PLXNA4: variants seen among roughly 807,000 people sequenced by gnomAD.
PLXNA4 encodes plexin-A4.
In PLXNA4, 44 loss-of-function variants were observed where a neutral mutation model predicts 191.8. That is an observed-to-expected ratio of 0.23 (90% CI 0.18 to 0.29). The LOEUF is 0.29. Among genes scored for constraint, PLXNA4 ranks in the 10% least tolerant of loss-of-function variants. The pLI, the probability that PLXNA4 is intolerant of heterozygous loss-of-function variation, is 1.00. For missense variants in PLXNA4, 1,800 were observed against 2,488.8 expected, an observed-to-expected ratio of 0.72 and a Z score of 5.89; for synonymous variants, 1,082 against 1,009.5, an observed-to-expected ratio of 1.07 and a Z score of -1.36.
chr7:132,573,099 G>T (rs1802053999), intron 1 of PLXNA4, among the ~76,000 whole-genome samples: 1 of 149,768 alleles, frequency 6.7e-6, no homozygotes, highest in Admixed American at 6.7e-5. Flanking sequence ...AGAAGTGGGG[G>T]TTGGAGGAAA....
chr7:132,232,211 G>C (rs548735908), intron 5 of PLXNA4, among the ~76,000 whole-genome samples: 1 of 152,212 alleles, frequency 6.6e-6, no homozygotes, highest in Non-Finnish European at 1.5e-5. Flanking sequence ...TAGTGGCTTA[G>C]ATGTTTCATT....
chr7:132,227,612 C>G lies in PLXNA4; in HGVS notation c.1729-8G>C, dbSNP rs1439845498. 4 of 1,613,928 alleles carry G rather than the reference C, an allele frequency of 2.5e-6. No homozygotes were observed. The Admixed American group carries it at 6.7e-5, about 27-fold the overall frequency. ...GTACGTCTCCAGGACCAGCTGTGAA[C>G]AGCCAGGCGGGGGGAGAGAAGGAGG... On this transcript the variant is annotated splice_polypyrimidine_tract_variant and splice_region_variant and intron_variant, in intron 6 of 31. Transcript: ENST00000321063.
At chr7:132,562,531 TCTCCTCTTTCTC>T (rs1801251589) in intron 1 of PLXNA4, among the ~76,000 whole-genome samples, 1 of 64,938 alleles carries the variant, frequency 1.5e-5, no homozygotes, top group Non-Finnish European at 2.9e-5. Context: ...TCCTCCTCCT[TCTCCTCTTTCTC>T]CTCCTCCTCC....
intron 3 of PLXNA4, among the ~76,000 whole-genome samples, chr7:132,448,578 C>T (rs1795995509): frequency 6.6e-6 from 1 of 152,184 alleles, no homozygotes. Flanking sequence ...CTTTAGTATC[C>T]TCGGAAAAGC....
At chr7:132,563,528 CCT>C (rs1320661771) in intron 1 of PLXNA4, among the ~76,000 whole-genome samples, 1 of 113,078 alleles carries the variant, frequency 8.8e-6, no homozygotes, top group South Asian at 4.2e-4. Context: ...TGCTCCTCCT[CCT>C]CTTTCTCCTC....
At chr7:132,141,462 A>G (rs1317121618) in intron 29 of PLXNA4, among the ~76,000 whole-genome samples, 1 of 152,140 alleles carries the variant, frequency 6.6e-6, no homozygotes, top group Non-Finnish European at 1.5e-5. Context: ...CCCACCAGGA[A>G]CTGTGCTTGC....
intron 3 of PLXNA4, among the ~76,000 whole-genome samples, chr7:132,345,684 C>T (rs1253991236): frequency 6.6e-6 from 1 of 152,208 alleles, no homozygotes; most frequent in Non-Finnish European, 1.5e-5. Flanking sequence ...CATTATGCTC[C>T]TGGCAGGGCC....
At chr7:132,428,226 T>C (rs1795125560) in intron 3 of PLXNA4, among the ~76,000 whole-genome samples, 1 of 152,182 alleles carries the variant, frequency 6.6e-6, no homozygotes, top group African/African-American at 2.4e-5. Flanking sequence ...CCTGGGGCTC[T>C]GGCCCAAAGA....
At chr7:132,243,788 T>A (rs1384294391) in intron 4 of PLXNA4, among the ~76,000 whole-genome samples, 2 of 151,750 alleles carry the variant, frequency 1.3e-5, no homozygotes, top group African/African-American at 4.8e-5. Flanking sequence ...TTCATTAATA[T>A]CCCAATCCTC....
intron 10 of PLXNA4, among the ~76,000 whole-genome samples, chr7:132,204,007 A>G (rs1201736959): frequency 6.6e-6 from 1 of 152,122 alleles, no homozygotes; most frequent in Non-Finnish European, 1.5e-5. Context: ...GGGGGTTAAG[A>G]GAGAAGAGGA....
At chr7:132,445,785 C>T (rs984752408) in intron 3 of PLXNA4, among the ~76,000 whole-genome samples, 7 of 152,106 alleles carry the variant, frequency 4.6e-5, no homozygotes, top group African/African-American at 1.2e-4. Context: ...GGGATGGGAC[C>T]GAAGGGTGCC....
intron 3 of PLXNA4, among the ~76,000 whole-genome samples, chr7:132,452,744 A>C (rs1796169458): frequency 6.6e-6 from 1 of 152,200 alleles, no homozygotes; most frequent in Non-Finnish European, 1.5e-5. Flanking sequence ...GGGGTTGGAC[A>C]TGAGCATCAG....
chr7:132,492,473 G>A (rs1180336800), intron 2 of PLXNA4, among the ~76,000 whole-genome samples: 2 of 152,134 alleles, frequency 1.3e-5, no homozygotes, highest in Admixed American at 1.3e-4. Context: ...GGCAAGATCT[G>A]GGACAATGAC....
chr7:132,293,185 A>G (rs1035428162), intron 4 of PLXNA4, among the ~76,000 whole-genome samples: 1 of 152,154 alleles, frequency 6.6e-6, no homozygotes, highest in Non-Finnish European at 1.5e-5. Flanking sequence ...GTTAACTTGG[A>G]AAGTGCTCAC....
chr7:132,153,471 C>T (rs1795703418), intron 25 of PLXNA4, among the ~76,000 whole-genome samples: 1 of 151,932 alleles, frequency 6.6e-6, no homozygotes, highest in Non-Finnish European at 1.5e-5. Flanking sequence ...CAGCGAGGAC[C>T]TAAGTGAAGG....
At chr7:132,592,840 C>CT (rs71272892) in intron 2 of PLXNA4, among the ~76,000 whole-genome samples, 2,846 of 149,364 alleles carry the variant, frequency 0.019, 51 homozygotes, top group African/African-American at 0.042. Context: ...CCCTACGTGC[C>CT]TTTTTTTTTC....
intron 1 of PLXNA4, among the ~76,000 whole-genome samples, chr7:132,534,944 T>A (rs75944106): frequency 6.6e-6 from 1 of 152,184 alleles, no homozygotes; most frequent in African/African-American, 2.4e-5. Context: ...CGATTTACTG[T>A]GTTATTTCAC....
intron 12 of PLXNA4, among the ~76,000 whole-genome samples, chr7:132,200,084 C>T (rs1797382734): frequency 6.6e-6 from 1 of 152,154 alleles, no homozygotes; most frequent in African/African-American, 2.4e-5. Context: ...ATATTCTAGC[C>T]CTGGCTTGTC....
intron 4 of PLXNA4, among the ~76,000 whole-genome samples, chr7:132,247,830 C>G (rs1431567217): frequency 1.3e-5 from 2 of 152,200 alleles, no homozygotes; most frequent in Non-Finnish European, 2.9e-5. Context: ...CTCCACATGC[C>G]TGGAACCCTG....
Sources: gnomAD v4.1 joint callset for allele counts (sites outside exome capture counted in the v4.1 genomes callset) on GRCh38, gnomAD v4.1.1 for gene constraint, MANE v1.5 for transcripts, NCBI Gene and HGNC (gene_info 2026-07-23, HGNC 2026-07-21) for gene names.